The following CBLN2 variants were observed in gnomAD, a reference collection of about 807,000 sequenced individuals.
CBLN2 encodes cerebellin 2 precursor.
Under a neutral mutation model 15.0 loss-of-function variants are expected in CBLN2, and 7 were observed. The ratio of observed to expected loss-of-function variants is 0.47; its 90% CI spans 0.27 to 0.88. The LOEUF (loss-of-function observed/expected upper bound fraction) is 0.88. CBLN2 is among the 40% of genes least tolerant of loss of function. CBLN2 has a pLI of 0.14. For synonymous variants in CBLN2, 149 were observed against 135.2 expected, an observed-to-expected ratio of 1.10 and a Z score of -0.71; for missense variants, 242 against 304.5, an observed-to-expected ratio of 0.79 and a Z score of 1.53.
At position 72,611,330 on chromosome 18, in the gene CBLN2, C is replaced by T. The variant is rs568739658; in HGVS notation, c.15+26995G>A. On this transcript the variant is annotated intron_variant, in intron 1 of 2. Coordinates refer to the CBLN2 transcript ENST00000581073. The stretch of plus-strand genomic sequence containing the variant: ...TGAGAAATCTCCAAAATGCTTTCAA[C>T]GTGGTCTGAACCAATTGACATTCCC... Among the ~76,000 whole-genome samples, 5 of 152,280 alleles carry T rather than the reference C, an allele frequency of 3.3e-5. No individual in the cohort carries two copies. In the South Asian group the frequency reaches 6.2e-4, roughly 19 times the overall value.
intron 1 of CBLN2, among the ~76,000 whole-genome samples, chr18:72,572,706 A>G (rs1032955713): frequency 6.6e-6 from 1 of 152,164 alleles, no homozygotes; most frequent in African/African-American, 2.4e-5. Context: ...AGTGCATGTC[A>G]TCACGTCCAG....
At chr18:72,613,110 A>G (rs1276923712) in intron 1 of CBLN2, among the ~76,000 whole-genome samples, 1 of 152,102 alleles carries the variant, frequency 6.6e-6, no homozygotes, top group Non-Finnish European at 1.5e-5. Flanking sequence ...TCCTCTTTTT[A>G]TAAGGACACA....
At chr18:72,574,229 GTCTT>G (rs1370331284) in intron 1 of CBLN2, among the ~76,000 whole-genome samples, 2 of 151,964 alleles carry the variant, frequency 1.3e-5, no homozygotes, top group Admixed American at 6.6e-5. Context: ...TTTCAATCTG[GTCTT>G]TCTTTATGTT....
rs1015398557 is a variant in CBLN2, at chr18:72,537,887, C to T, written c.*289G>A. On this transcript the variant is annotated 3_prime_UTR_variant, in exon 5 of 5. Transcript: ENST00000269503. Reference sequence around the variant, plus strand: ...GGTCCATGGTCCCAACAATAAAATCCGATATTGACTTTACAATCACAGGTA... The same window carrying T: ...GGTCCATGGTCCCAACAATAAAATCTGATATTGACTTTACAATCACAGGTA... 23 of 439,512 alleles carry T rather than the reference C, an allele frequency of 5.2e-5. No homozygotes were observed. The highest frequency in any genetic ancestry group is 1.8e-4 in the South Asian group (7 of 38,896). 27.2% of individuals were successfully genotyped at this position (439,512 alleles called of 1,614,324 possible). A position where few individuals can be genotyped will look rare whatever the true frequency, so the allele number is the denominator to read the frequency against.
chr18:72,614,825 G>A lies in CBLN2; in HGVS notation c.15+23500C>T, dbSNP rs147063572. ...TAAAATATACACTCACCAAGCTAAT[G>A]AAATTGTTTCAGGAAGATCTATCTT... On this transcript the variant is annotated intron_variant, in intron 1 of 2. Transcript: ENST00000581073. Among the ~76,000 whole-genome samples the A allele has an allele frequency of 2.8e-3, 418 of 151,762 alleles. 4 individuals are homozygous for A. Among genetic ancestry groups the A allele is most frequent in the African/African-American group, 9.7e-3 (403 of 41,454 alleles).
chr18:72,569,530 A>G (rs1356342094), intron 1 of CBLN2, among the ~76,000 whole-genome samples: 1 of 152,208 alleles, frequency 6.6e-6, no homozygotes, highest in Non-Finnish European at 1.5e-5. Flanking sequence ...TATGAAGGAA[A>G]GAGGTTTAAT....
chr18:72,578,535 T>G lies in CBLN2; in HGVS notation c.16-39763A>C, dbSNP rs1327174295. Among the ~76,000 whole-genome samples the G allele has an allele frequency of 2.6e-5, 4 of 152,214 alleles. No individual in the cohort carries two copies. In the East Asian group the frequency reaches 7.7e-4, roughly 29 times the overall value. On this transcript the variant is annotated intron_variant, in intron 1 of 2. Transcript: ENST00000581073. ...TCATCATTTCTATTGTCTGGTATACTCTTTGTCCCCTCCTTTTTCTACTAA... is the reference window on the plus strand; with the variant it reads ...TCATCATTTCTATTGTCTGGTATACGCTTTGTCCCCTCCTTTTTCTACTAA...
intron 1 of CBLN2, among the ~76,000 whole-genome samples, chr18:72,599,952 T>C (rs1045398511): frequency 1.3e-5 from 2 of 152,134 alleles, no homozygotes; most frequent in Non-Finnish European, 1.5e-5. Context: ...TATGGGAAGC[T>C]TGGAGAGTGG....
At chr18:72,611,153 T>C (rs1332182147) in intron 1 of CBLN2, among the ~76,000 whole-genome samples, 2 of 152,224 alleles carry the variant, frequency 1.3e-5, no homozygotes, top group Non-Finnish European at 2.9e-5. Flanking sequence ...GATGGATATG[T>C]AGGTTGATTC....
intron 1 of CBLN2, among the ~76,000 whole-genome samples, chr18:72,616,065 T>G (rs956848240): frequency 1.3e-5 from 2 of 152,202 alleles, no homozygotes; most frequent in Non-Finnish European, 2.9e-5. Context: ...CACTACTGTG[T>G]TCCTGATAAT....
At chr18:72,557,721 A>T (rs1278759954) in intron 1 of CBLN2, among the ~76,000 whole-genome samples, 4 of 152,262 alleles carry the variant, frequency 2.6e-5, no homozygotes, top group South Asian at 2.1e-4. Flanking sequence ...ACATGGACAC[A>T]GGGAGGGGGA....
intron 1 of CBLN2, among the ~76,000 whole-genome samples, chr18:72,581,106 C>T (rs1024614839): frequency 1.3e-5 from 2 of 152,232 alleles, no homozygotes; most frequent in Admixed American, 6.5e-5. Flanking sequence ...TTTCTATCCA[C>T]TGACTGCCTC....
chr18:72,602,182 C>T (rs907934981), intron 1 of CBLN2, among the ~76,000 whole-genome samples: 1 of 152,130 alleles, frequency 6.6e-6, no homozygotes, highest in African/African-American at 2.4e-5. Flanking sequence ...GATGTTGGTT[C>T]GATTCTTGTG....
chr18:72,622,728 T>C (rs993519508), intron 1 of CBLN2, among the ~76,000 whole-genome samples: 3 of 152,148 alleles, frequency 2.0e-5, no homozygotes, highest in African/African-American at 7.2e-5. Flanking sequence ...GAATGCACTG[T>C]CTTTGAGATC....
intron 1 of CBLN2, among the ~76,000 whole-genome samples, chr18:72,636,476 G>C (rs2069813366): frequency 6.6e-6 from 1 of 152,144 alleles, no homozygotes; most frequent in Admixed American, 6.5e-5. Flanking sequence ...CCAGGGTGAG[G>C]GATGGTTGTA....
chr18:72,610,468 G>A (rs771350836), intron 1 of CBLN2, among the ~76,000 whole-genome samples: 49 of 151,860 alleles, frequency 3.2e-4, no homozygotes, highest in Non-Finnish European at 6.0e-4. Context: ...ATTTTTCACT[G>A]CTCTGATACT....
chr18:72,605,442 T>C (rs2069576854), intron 1 of CBLN2, among the ~76,000 whole-genome samples: 1 of 152,234 alleles, frequency 6.6e-6, no homozygotes, highest in Non-Finnish European at 1.5e-5. Flanking sequence ...TTCCGCTTCT[T>C]ATAATAGATG....
chr18:72,566,711 A>C (rs1377177061), intron 1 of CBLN2, among the ~76,000 whole-genome samples: 1 of 152,236 alleles, frequency 6.6e-6, no homozygotes, highest in Non-Finnish European at 1.5e-5. Flanking sequence ...TTAGATAGGA[A>C]GAATACGTTC....
chr18:72,608,932 A>G (rs984623277), intron 1 of CBLN2, among the ~76,000 whole-genome samples: 8 of 152,180 alleles, frequency 5.3e-5, no homozygotes, highest in African/African-American at 1.9e-4. Flanking sequence ...CCATTTATAA[A>G]ACCATCAGAT....
Sources: gnomAD v4.1 joint callset for allele counts (sites outside exome capture counted in the v4.1 genomes callset) on GRCh38, gnomAD v4.1.1 for gene constraint, MANE v1.5 for transcripts, NCBI Gene and HGNC (gene_info 2026-07-23, HGNC 2026-07-21) for gene names.